MASP2: variants seen among roughly 807,000 people sequenced by gnomAD.
The protein encoded by MASP2 is mannan-binding lectin serine protease 2.
A neutral mutation model predicts 57.1 loss-of-function variants in MASP2; 49 were observed. The ratio of observed to expected loss-of-function variants is 0.86; its 90% CI spans 0.68 to 1.09. The LOEUF (loss-of-function observed/expected upper bound fraction) is 1.09. MASP2 is among the 50% of genes least tolerant of loss of function. The pLI is 0.00. For synonymous variants in MASP2, 379 were observed against 340.8 expected, an observed-to-expected ratio of 1.11 and a Z score of -1.24; for missense variants, 900 against 874.8, an observed-to-expected ratio of 1.03 and a Z score of -0.36.
rs1412997992 is a variant in MASP2, at chr1:11,026,995, C to T, written c.1951G>A (p.Gly651Arg). ...TTCATGGAACCCCAGGACACTATTC[C>T]TCCCACAAACCACCTCTCTGTTTCA... is the stretch of plus-strand genomic sequence containing the variant. ...DSETERWFVGGIVSWGSMNCG... is the reference protein window; with the variant it reads ...DSETERWFVGRIVSWGSMNCG... Residue 651 changes from glycine to arginine, a missense_variant, in exon 11 of 11, where the codon GGA (glycine) becomes AGA (arginine). Coordinates refer to ENST00000400897, the MANE Select transcript of MASP2 (RefSeq NM_006610.4). 6.3e-7 allele frequency: 1 copy of T among 1,596,038 alleles called. No individual in the cohort carries two copies. The highest frequency in any genetic ancestry group is 8.5e-7 in the Non-Finnish European group (1 of 1,171,692).
At chr1:11,032,014 A>T (rs1405553986) in intron 8 of MASP2, among the ~76,000 whole-genome samples, 2 of 152,156 alleles carry the variant, frequency 1.3e-5, no homozygotes, top group Non-Finnish European at 2.9e-5. Context: ...TCACACGTGT[A>T]ATCCCAGCAC....
intron 3 of MASP2, chr1:11,045,749 C>T (rs555179302): frequency 3.4e-6 from 2 of 591,378 alleles, no homozygotes; most frequent in African/African-American, 1.9e-5. Flanking sequence ...GCAAACATCA[C>T]CTCTGTTAAA....
intron 8 of MASP2, among the ~76,000 whole-genome samples, chr1:11,031,736 C>T (rs1643849483): frequency 1.3e-5 from 2 of 151,588 alleles, no homozygotes; most frequent in Non-Finnish European, 2.9e-5. Context: ...CAGGACCAGT[C>T]TGGGCAATAG....
chr1:11,046,719 G>A lies in MASP2; in HGVS notation c.249C>T (p.Ala83=), dbSNP rs557476840. Residue 83 remains alanine (A), a synonymous_variant, in exon 3 of 11, where the codon GCC becomes GCT. Coordinates refer to ENST00000400897, the MANE Select transcript of MASP2 (RefSeq NM_006610.4). ...GCCCGCACAGCGTGGCCAGCACCTT[G>A]GCCCCCGAGCTCAGCTGTGGGGTCA... is the stretch of plus-strand genomic sequence containing the variant. ...EYDFVKLSSG[A]KVLATLCGQE... is the part of the protein sequence containing the mutation. 3 of 1,612,648 alleles carry A rather than the reference G, an allele frequency of 1.9e-6. No individual in the cohort carries two copies.
chr1:11,030,548 A>T, intron 9 of MASP2, 200 bp downstream of exon 9: 1 of 595,350 alleles, frequency 1.7e-6, no homozygotes, highest in East Asian at 2.9e-5. Context: ...TGTAGTAGTC[A>T]TTTACTAGAT....
intron 3 of MASP2, 28 bp from the exon 4 acceptor site, chr1:11,045,567 C>T (rs750948224): frequency 5.4e-5 from 85 of 1,588,734 alleles, no homozygotes; most frequent in Middle Eastern, 3.9e-4. Context: ...CCAGGCAGGC[C>T]GTCAGGAGGG....
Position 11,046,677 on chromosome 1 carries a change from C to G in MASP2, c.291G>C (p.Thr97=). The G allele has an allele frequency of 6.2e-7, 1 of 1,613,514 alleles. No homozygotes were observed. Among genetic ancestry groups the G allele is most frequent in the African/African-American group, 1.3e-5 (1 of 75,060 alleles). Residue 97 remains threonine (T), a synonymous_variant, in exon 3 of 11, where the codon ACG becomes ACC. Coordinates refer to ENST00000400897, the MANE Select transcript of MASP2 (RefSeq NM_006610.4). ...ATLCGQESTD[T]ERAPGKDTFY... is the part of the protein sequence containing the mutation. ...AAGTGTCCTTGCCAGGGGCCCGCTC[C>G]GTGTCTGTGCTCTCCTGCCCGCACA...
intron 8 of MASP2, 129 bp downstream of exon 8, chr1:11,034,699 A>AG (rs1488023263): frequency 5.9e-6 from 3 of 507,230 alleles, no homozygotes; most frequent in African/African-American, 3.3e-5. Context: ...ACCCTGTCTC[A>AG]GAAAAAAAAA....
chr1:11,043,137 CA>C, intron 5 of MASP2, 115 bp from the exon 6 acceptor site: 2 of 1,226,544 alleles, frequency 1.6e-6, no homozygotes, highest in Non-Finnish European at 2.3e-6. Context: ...CAACCCAGGC[CA>C]TGGATTGGGG....
At chr1:11,046,503 C>T (rs1419830257) in intron 3 of MASP2, 53 bp downstream of exon 3, 4 of 1,599,990 alleles carry the variant, frequency 2.5e-6, no homozygotes, top group Middle Eastern at 1.7e-4. Flanking sequence ...GACAGAGTTA[C>T]CCCCACAGCC....
intron 3 of MASP2, chr1:11,045,786 G>T: frequency 1.8e-6 from 1 of 554,476 alleles, no homozygotes; most frequent in Non-Finnish European, 3.2e-6. Flanking sequence ...TGTCCGGCCC[G>T]AGGTCACCCA....
In MASP2 at chr1:11,028,114, T is replaced by G. The variant is rs553171327; in HGVS notation, c.1298-466A>C. 4.6e-5 allele frequency among the ~76,000 whole-genome samples: 7 copies of G among 151,948 alleles called. No individual in the cohort carries two copies. The South Asian group carries it at 1.5e-3, about 32-fold the overall frequency. Reference sequence around the variant, plus strand: ...ATGGGCACCTGTAATCCCAGCCACTTGGGAGGCTGAGGCAGGAGAGTTGCT... The same window carrying G: ...ATGGGCACCTGTAATCCCAGCCACTGGGGAGGCTGAGGCAGGAGAGTTGCT... On this transcript the variant is annotated intron_variant, in intron 10 of 10. Transcript: ENST00000400897.
intron 8 of MASP2, among the ~76,000 whole-genome samples, chr1:11,034,298 C>T (rs544070837): frequency 8.0e-5 from 12 of 149,972 alleles, no homozygotes; most frequent in African/African-American, 3.0e-4. Flanking sequence ...AAGCACATAC[C>T]TTCCCTAGTA....
rs746088355 is a variant in MASP2, at chr1:11,045,419, C to T, written c.533G>A (p.Arg178His). Residue 178 changes from arginine to histidine, a missense_variant, in exon 4 of 11, where the codon CGC becomes CAC. By Grantham distance (29) the Arg-to-His change is conservative (BLOSUM62 0). Transcript: ENST00000400897. The stretch of plus-strand genomic sequence containing the variant: ...GCAGCCTCCCTCACCTGAGCAGGTG[C>T]GCTTGTTACGGTGCAGGACGTAGCC... ...RAGYVLHRNK[R>H]TCSALCSGQV... is the part of the protein sequence containing the mutation. 3.3e-5 allele frequency: 54 copies of T among 1,613,034 alleles called. No individual in the cohort carries two copies. The highest frequency in any genetic ancestry group is 2.0e-4 in the South Asian group (18 of 91,086).
At chr1:11,039,614 G>A (rs1347890852) in intron 6 of MASP2, among the ~76,000 whole-genome samples, 1 of 151,570 alleles carries the variant, frequency 6.6e-6, no homozygotes, top group Non-Finnish European at 1.5e-5. Flanking sequence ...TGGATGGATG[G>A]ATGGATATAT....
In MASP2 at chr1:11,043,470, G is replaced by A; in HGVS notation, c.610C>T (p.Pro204Ser). The change falls in exon 5 of 11, where the codon CCG becomes TCG. Residue 204 changes from proline (P) to serine (S), a missense_variant. Pro to Ser is a moderately conservative substitution (Grantham distance 74). Coordinates refer to ENST00000400897, the MANE Select transcript of MASP2 (RefSeq NM_006610.4). ...GTGCAACTGGAGAGTTTGGGATACG[G>A]CCGTGGGTATTCAGGGCTGCTGAGC... is the stretch of plus-strand genomic sequence containing the variant. ...GELSSPEYPR[P>S]YPKLSSCTYS... is the part of the protein sequence containing the mutation. The A allele has an allele frequency of 1.2e-6, 2 of 1,610,064 alleles. No homozygotes were observed. Among genetic ancestry groups the A allele is most frequent in the South Asian group, 2.2e-5 (2 of 90,136 alleles).
At chr1:11,040,090 T>C (rs1387711459) in intron 6 of MASP2, among the ~76,000 whole-genome samples, 1 of 146,684 alleles carries the variant, frequency 6.8e-6, no homozygotes, top group Non-Finnish European at 1.5e-5. Context: ...GAAGGATGGG[T>C]GGATGGTTGG....
Position 11,027,454 on chromosome 1 carries a change from G to C in MASP2, c.1492C>G (p.Arg498Gly). 6.2e-7 allele frequency: 1 copy of C among 1,613,998 alleles called. No homozygotes were observed. Among genetic ancestry groups the C allele is most frequent in the South Asian group, 1.1e-5 (1 of 91,056 alleles). Reference protein sequence around the residue: ...QKHDASALDIRMGTLKRLSPH... With the variant: ...QKHDASALDIGMGTLKRLSPH... ...GATAGTCTTTTCAGGGTGCCCATTC[G>C]AATGTCCAGGGCGGATGCATCATGT... Residue 498 changes from arginine (R) to glycine (G), a missense_variant, in exon 11 of 11, where the codon CGA becomes GGA. Coordinates refer to ENST00000400897, the MANE Select transcript of MASP2 (RefSeq NM_006610.4).
rs747218803 is a variant in MASP2, at chr1:11,046,986, A to G, written c.139T>C (p.Trp47Arg). 186 of 1,556,786 alleles carry G rather than the reference A, an allele frequency of 1.2e-4. No homozygotes were observed. Among genetic ancestry groups the G allele is most frequent in the Non-Finnish European group, 1.5e-4 (168 of 1,150,004 alleles). ...GEYANDQERRWTLTAPPGYRL... is the reference protein window; with the variant it reads ...GEYANDQERRRTLTAPPGYRL... The stretch of plus-strand genomic sequence containing the variant: ...TAGCCGGGGGGTGCAGTCAGGGTCC[A>G]GCGCCGCTCCTGGTCATTGGCATAC... The change falls in exon 2 of 11, where the codon TGG (tryptophan) becomes CGG (arginine). Residue 47 changes from tryptophan (W) to arginine (R), a missense_variant. By Grantham distance (101) the Trp-to-Arg change is moderately radical. Transcript: ENST00000400897.
Sources: allele counts gnomAD v4.1 joint callset (sites outside exome capture counted in the v4.1 genomes callset), GRCh38; gene constraint gnomAD v4.1.1; transcripts MANE v1.5; gene names NCBI Gene and HGNC (gene_info 2026-07-23, HGNC 2026-07-21).